Variants in NTMT2 observed in about 807,000 individuals in gnomAD.
NTMT2 encodes the protein N-terminal Xaa-Pro-Lys N-methyltransferase 2.
In NTMT2, 21 loss-of-function variants were observed where a neutral mutation model predicts 23.4. The ratio of observed to expected loss-of-function variants is 0.90; its 90% confidence interval spans 0.64 to 1.29. NTMT2 has a LOEUF of 1.29. Among genes scored for constraint, NTMT2 ranks in the 50% most tolerant of loss-of-function variants. NTMT2 has a pLI of 0.00. For missense variants in NTMT2, 336 were observed against 352.0 expected (o/e 0.95, Z 0.36); for synonymous variants, 131 against 127.7 (o/e 1.03, Z -0.17).
Position 170,166,629 on chromosome 1 carries a change from T to C in NTMT2, c.458T>C (p.Leu153Pro), listed in dbSNP as rs1359759962. 3.9e-6 allele frequency: 6 copies of C among 1,552,194 alleles called. 1 individual carries two copies. The highest frequency in any genetic ancestry group is 3.6e-5 in the South Asian group (3 of 84,058). ...GTGGATATGATGGAATCCTTTCTCCTTGAAGCCCAGAACTACCTGCAGGTC... is the reference window on the plus strand; with the variant it reads ...GTGGATATGATGGAATCCTTTCTCCCTGAAGCCCAGAACTACCTGCAGGTC... The part of the protein sequence containing the change: ...ELVDMMESFL[L>P]EAQNYLQVKG... The change falls in exon 3 of 4, where the codon CTT becomes CCT. Residue 153 changes from leucine (L) to proline (P), a missense_variant. By Grantham distance (98) the Leu-to-Pro change is moderately conservative. Transcript: ENST00000439373.
chr1:170,163,923 AC>A (rs1483043196), intron 2 of NTMT2, among the ~76,000 whole-genome samples: 6 of 152,174 alleles, frequency 3.9e-5, no homozygotes, highest in Admixed American at 6.5e-5. Context: ...GGAGTTCCAG[AC>A]CAGGCTGGCC....
At chr1:170,154,574 C>A (rs1673129808) in intron 1 of NTMT2, among the ~76,000 whole-genome samples, 1 of 152,210 alleles carries the variant, frequency 6.6e-6, no homozygotes, top group African/African-American at 2.4e-5. Flanking sequence ...CCTTTAACCC[C>A]TTTCCTTTGG....
Position 170,167,831 on chromosome 1 carries a change from CTTGTAATGCAGATAGGG to C in NTMT2, c.*75_*91del. The C allele has an allele frequency of 3.5e-6, 5 of 1,445,324 alleles. No homozygotes were observed. The highest frequency in any genetic ancestry group is 4.6e-6 in the Non-Finnish European group (5 of 1,085,744). 89.5% of individuals were successfully genotyped at this position (1,445,324 alleles called of 1,614,324 possible). Reference sequence around the variant, plus strand: ...GGGGTTGCTATCCTTCCAGGTGCCCCTTGTAATGCAGATAGGGATGGCAAGAAAAGGGATACAACATA... The same window carrying C: ...GGGGTTGCTATCCTTCCAGGTGCCCCATGGCAAGAAAAGGGATACAACATA... On this transcript the variant is annotated 3_prime_UTR_variant, in exon 4 of 4. Coordinates refer to ENST00000439373, the MANE Select transcript of NTMT2 (RefSeq NM_001136107.2).
At chr1:170,163,185 AG>A (rs1381170301) in intron 2 of NTMT2, among the ~76,000 whole-genome samples, 1 of 152,238 alleles carries the variant, frequency 6.6e-6, no homozygotes, top group Non-Finnish European at 1.5e-5. Flanking sequence ...AGTCCTTCTT[AG>A]TACACAAGGC....
chr1:170,166,836 A>T, intron 3 of NTMT2, 85 bp downstream of exon 3: 1 of 1,437,978 alleles, frequency 7.0e-7, no homozygotes. Flanking sequence ...GGCACCAGGG[A>T]AGAGTTAGCT....
chr1:170,154,807 A>G (rs1318470231), intron 1 of NTMT2, among the ~76,000 whole-genome samples: 2 of 152,108 alleles, frequency 1.3e-5, no homozygotes, highest in African/African-American at 4.8e-5. Context: ...GAAGGACAAG[A>G]GATTTGGAGG....
chr1:170,166,357 G>T (rs1357118267), intron 2 of NTMT2, 145 bp from the exon 3 acceptor site: 3 of 697,684 alleles, frequency 4.3e-6, no homozygotes, highest in Non-Finnish European at 6.9e-6. Flanking sequence ...TAGCCAGGAT[G>T]GTCTCGATCT....
intron 1 of NTMT2, 28 bp from the exon 2 acceptor site, chr1:170,160,490 A>G: frequency 2.0e-6 from 3 of 1,470,234 alleles, no homozygotes; most frequent in Non-Finnish European, 2.7e-6. Flanking sequence ...ATAAATATTA[A>G]TACCTATTAA....
chr1:170,159,453 A>G (rs1196134430), intron 1 of NTMT2, among the ~76,000 whole-genome samples: 1 of 81,680 alleles, frequency 1.2e-5, no homozygotes, highest in African/African-American at 4.8e-5. Context: ...TTTGGTTTCC[A>G]TTCTCATTCG....
chr1:170,148,041 G>A (rs1672999544), intron 1 of NTMT2, among the ~76,000 whole-genome samples: 1 of 150,738 alleles, frequency 6.6e-6, no homozygotes, highest in South Asian at 2.1e-4. Context: ...GACGCCCAAT[G>A]TAAAATACAG....
intron 2 of NTMT2, chr1:170,161,788 GA>G (rs1673277600): frequency 6.6e-6 from 1 of 152,150 alleles, no homozygotes; most frequent in South Asian, 2.1e-4. Context: ...TTAGTTGTTA[GA>G]AAAGACTTAA....
At position 170,167,442 on chromosome 1, in the gene NTMT2, C is replaced by T. The variant is rs756192625; in HGVS notation, c.581-44C>T. ...TTCCCTACTCACCTTCCATCCTCCC[C>T]ACCATTTCTTCCTGTTCCCCCATCC... On this transcript the variant is annotated intron_variant, in intron 3 of 3. Coordinates refer to ENST00000439373, the MANE Select transcript of NTMT2 (RefSeq NM_001136107.2). The T allele has an allele frequency of 6.7e-6, 10 of 1,493,174 alleles. No individual in the cohort carries two copies. In the South Asian group the frequency reaches 1.2e-4, roughly 18 times the overall value. 92.5% of individuals were successfully genotyped at this position (1,493,174 alleles called of 1,614,324 possible). A position where few individuals can be genotyped will look rare whatever the true frequency, so the allele number is the denominator to read the frequency against.
At chr1:170,165,161 T>C (rs759188019) in intron 2 of NTMT2, among the ~76,000 whole-genome samples, 15 of 152,178 alleles carry the variant, frequency 9.9e-5, no homozygotes, top group Non-Finnish European at 2.1e-4. Flanking sequence ...CTGTAATTTC[T>C]AGCACAAAAC....
intron 1 of NTMT2, among the ~76,000 whole-genome samples, chr1:170,148,061 A>G (rs1672999790): frequency 6.6e-6 from 1 of 152,036 alleles, no homozygotes; most frequent in Non-Finnish European, 1.5e-5. Flanking sequence ...GGAAAAAGGG[A>G]AACTTTTCTG....
rs1297494335 is a variant in NTMT2, at chr1:170,167,397, C to T, written c.581-89C>T. ...TCATGAATGAGTGAACAAATGGTCT[C>T]CTGATTCTTAGCCATGTTCTTCCCT... On this transcript the variant is annotated intron_variant, in intron 3 of 3. Transcript: ENST00000439373. 9 of 1,205,424 alleles carry T rather than the reference C, an allele frequency of 7.5e-6. No homozygotes were observed. In the East Asian group the frequency reaches 2.1e-4, roughly 28 times the overall value. 74.7% of individuals were successfully genotyped at this position (1,205,424 alleles called of 1,614,324 possible). A position where few individuals can be genotyped will look rare whatever the true frequency, so the allele number is the denominator to read the frequency against.
chr1:170,146,966 G>A lies in NTMT2; in HGVS notation c.154+705G>A, dbSNP rs535413196. 2.6e-5 allele frequency among the ~76,000 whole-genome samples: 4 copies of A among 152,318 alleles called. No homozygotes were observed. The South Asian group carries it at 8.3e-4, about 32-fold the overall frequency. On this transcript the variant is annotated intron_variant, in intron 1 of 3. Coordinates refer to ENST00000439373, the MANE Select transcript of NTMT2 (RefSeq NM_001136107.2). ...AGGGCACCCTAAACAGCACTGAAGA[G>A]GAAATAACTTACCATTAAAGAGTAA...
chr1:170,160,991 C>T (rs1673263975), intron 2 of NTMT2, among the ~76,000 whole-genome samples: 1 of 152,176 alleles, frequency 6.6e-6, no homozygotes, highest in Non-Finnish European at 1.5e-5. Flanking sequence ...ATAAAGAAGA[C>T]ATCTCTTTTA....
intron 1 of NTMT2, among the ~76,000 whole-genome samples, chr1:170,156,800 C>T (rs1213287284): frequency 2.0e-5 from 3 of 151,984 alleles, no homozygotes; most frequent in African/African-American, 7.2e-5. Flanking sequence ...ACCATAAAAG[C>T]CCACCTATTG....
intron 1 of NTMT2, among the ~76,000 whole-genome samples, chr1:170,147,836 A>G (rs1672995320): frequency 6.6e-6 from 1 of 152,244 alleles, no homozygotes; most frequent in South Asian, 2.1e-4. Flanking sequence ...TCTCTTCTGA[A>G]AAGCAGATGA....
Sources: allele counts gnomAD v4.1 joint callset (sites outside exome capture counted in the v4.1 genomes callset), GRCh38; gene constraint gnomAD v4.1.1; transcripts MANE v1.5; gene names NCBI Gene and HGNC (gene_info 2026-07-23, HGNC 2026-07-21).